The following SAMTOR variants were observed in gnomAD, a reference collection of about 807,000 sequenced individuals.
The protein encoded by SAMTOR is S-adenosylmethionine sensor upstream of mTORC1, also known as UPF0532 protein C7orf60.
the SAMTOR span, among the ~76,000 whole-genome samples, chr7:112,842,411 A>G: frequency 2.6e-5 from 4 of 151,956 alleles, no homozygotes; most frequent in Admixed American, 2.6e-4. Context: ...CAAGTTTGCC[A>G]GTTTGGACCA....
chr7:112,835,208 G>A, the SAMTOR span, among the ~76,000 whole-genome samples: 9 of 151,902 alleles, frequency 5.9e-5, no homozygotes, highest in African/African-American at 2.2e-4. Context: ...AATTTATCTC[G>A]ATTGTTTATC....
At chr7:112,898,301 A>T in the SAMTOR span, among the ~76,000 whole-genome samples, 1 of 152,226 alleles carries the variant, frequency 6.6e-6, no homozygotes, top group East Asian at 1.9e-4. Flanking sequence ...CTGTGAGCCC[A>T]GGGTACTACA....
the SAMTOR span, among the ~76,000 whole-genome samples, chr7:112,931,248 G>A: frequency 2.6e-5 from 4 of 151,734 alleles, no homozygotes; most frequent in African/African-American, 9.7e-5. Context: ...TAAAAGCCTG[G>A]CAAAATAATA....
the SAMTOR span, among the ~76,000 whole-genome samples, chr7:112,880,532 G>A: frequency 2.0e-5 from 3 of 151,936 alleles, no homozygotes; most frequent in African/African-American, 7.2e-5. Context: ...AATCTAAGGA[G>A]GGAAACTTAA....
At chr7:112,919,561 A>T in the SAMTOR span, among the ~76,000 whole-genome samples, 1 of 152,202 alleles carries the variant, frequency 6.6e-6, no homozygotes, top group Non-Finnish European at 1.5e-5. Context: ...GAGCAAACAC[A>T]TTCAAAAGCT....
the SAMTOR span, among the ~76,000 whole-genome samples, chr7:112,880,765 C>A: frequency 6.6e-6 from 1 of 152,086 alleles, no homozygotes; most frequent in Admixed American, 6.5e-5. Context: ...TAATATACAA[C>A]GGATTTCAAA....
chr7:112,935,811 C>A, the SAMTOR span, among the ~76,000 whole-genome samples: 369 of 152,090 alleles, frequency 2.4e-3, 2 homozygotes, highest in African/African-American at 8.7e-3. Context: ...TTTACATAAA[C>A]GCTTTAAGTT....
chr7:112,832,686 A>C, the SAMTOR span: 1 of 1,451,046 alleles, frequency 6.9e-7, no homozygotes, highest in Non-Finnish European at 9.6e-7. Flanking sequence ...CTAAAAACAG[A>C]TATTTTATAA....
the SAMTOR span, among the ~76,000 whole-genome samples, chr7:112,917,145 C>T: frequency 6.6e-6 from 1 of 152,224 alleles, no homozygotes; most frequent in African/African-American, 2.4e-5. Flanking sequence ...GGCAGACTGC[C>T]TCCTCAAGTG....
chr7:112,881,875 G>T, the SAMTOR span, among the ~76,000 whole-genome samples: 1 of 152,212 alleles, frequency 6.6e-6, no homozygotes, highest in East Asian at 1.9e-4. Flanking sequence ...TGAAAGAGCT[G>T]AACAAAACAG....
the SAMTOR span, among the ~76,000 whole-genome samples, chr7:112,871,501 C>T: frequency 6.6e-6 from 1 of 151,934 alleles, no homozygotes; most frequent in Non-Finnish European, 1.5e-5. Context: ...ATACCAAAAC[C>T]TCTACAATGC....
the SAMTOR span, among the ~76,000 whole-genome samples, chr7:112,930,991 T>A: frequency 1.3e-5 from 2 of 152,228 alleles, no homozygotes; most frequent in African/African-American, 4.8e-5. Flanking sequence ...CAGACTCTAC[T>A]AACCACAAAC....
the SAMTOR span, among the ~76,000 whole-genome samples, chr7:112,925,596 C>T: frequency 8.5e-5 from 13 of 152,174 alleles, no homozygotes; most frequent in African/African-American, 3.1e-4. Flanking sequence ...GAGTTTGAGA[C>T]CATCCTGACA....
the SAMTOR span, among the ~76,000 whole-genome samples, chr7:112,910,928 G>C: frequency 2.0e-5 from 3 of 152,156 alleles, no homozygotes; most frequent in Admixed American, 1.3e-4. Context: ...AATCATGAGA[G>C]ATGAGAATGC....
the SAMTOR span, among the ~76,000 whole-genome samples, chr7:112,897,287 A>G: frequency 6.6e-6 from 1 of 152,174 alleles, no homozygotes; most frequent in African/African-American, 2.4e-5. Flanking sequence ...TGTACACTAG[A>G]TGGGTGCATT....
At chr7:112,895,000 C>G in the SAMTOR span, among the ~76,000 whole-genome samples, 2 of 152,018 alleles carry the variant, frequency 1.3e-5, no homozygotes, top group Non-Finnish European at 2.9e-5. Flanking sequence ...AAAATTTATG[C>G]CTATATGCAT....
the SAMTOR span, among the ~76,000 whole-genome samples, chr7:112,835,607 A>G: frequency 1.3e-5 from 2 of 151,998 alleles, no homozygotes; most frequent in East Asian, 3.9e-4. Context: ...AGTTCCCAAT[A>G]GGTAGTTTTT....
At chr7:112,822,390 C>T in the SAMTOR span, 19 of 1,560,002 alleles carry the variant, frequency 1.2e-5, no homozygotes, top group South Asian at 2.1e-4. Context: ...AAACAGAAAA[C>T]AAGGCATATT....
At chr7:112,892,966 G>A in the SAMTOR span, among the ~76,000 whole-genome samples, 4 of 151,988 alleles carry the variant, frequency 2.6e-5, no homozygotes, top group Admixed American at 2.0e-4. Flanking sequence ...TTTTCTGAAC[G>A]GCAGGTCTCA....
Sources: allele counts gnomAD v4.1 joint callset (sites outside exome capture counted in the v4.1 genomes callset), GRCh38; gene constraint gnomAD v4.1.1; transcripts MANE v1.5; gene names NCBI Gene and HGNC (gene_info 2026-07-23, HGNC 2026-07-21).